CNTN1: variants seen among roughly 807,000 people sequenced by gnomAD.
The protein encoded by CNTN1 is contactin 1.
A neutral mutation model predicts 126.4 loss-of-function variants in CNTN1; 38 were observed. The ratio of observed to expected loss-of-function variants is 0.30; its 90% CI spans 0.23 to 0.39. CNTN1 has a LOEUF of 0.39. Ranked by LOEUF, CNTN1 falls within the 10% of genes least tolerant of loss-of-function variation. CNTN1 has a pLI of 1.00. For missense variants in CNTN1, 1,009 were observed against 1,248.4 expected, an observed-to-expected ratio of 0.81 and a Z score of 2.89; for synonymous variants, 413 against 422.6, an observed-to-expected ratio of 0.98 and a Z score of 0.28.
chr12:40,811,596 T>G (rs999329963), intron 1 of CNTN1, among the ~76,000 whole-genome samples: 1 of 151,812 alleles, frequency 6.6e-6, no homozygotes, highest in Non-Finnish European at 1.5e-5. Context: ...TGTATTTGTC[T>G]GTTTAGATTT....
intron 5 of CNTN1, 53 bp from the exon 6 acceptor site, chr12:40,924,504 C>G: frequency 1.1e-6 from 1 of 942,784 alleles, no homozygotes. Flanking sequence ...ATGAATGTCT[C>G]TCTTTCTATT....
intron 16 of CNTN1, among the ~76,000 whole-genome samples, chr12:40,992,089 T>C (rs1948108677): frequency 6.6e-6 from 1 of 152,186 alleles, no homozygotes; most frequent in Admixed American, 6.5e-5. Context: ...AGGGAAAATT[T>C]TAATCAGAAA....
intron 23 of CNTN1, among the ~76,000 whole-genome samples, chr12:41,060,599 G>T (rs960941926): frequency 1.3e-5 from 2 of 152,204 alleles, no homozygotes; most frequent in African/African-American, 4.8e-5. Flanking sequence ...ATTTCACAAA[G>T]TTGGGGCTGT....
At chr12:40,740,219 G>C (rs1219263693) in intron 1 of CNTN1, among the ~76,000 whole-genome samples, 1 of 152,034 alleles carries the variant, frequency 6.6e-6, no homozygotes, top group East Asian at 1.9e-4. Flanking sequence ...TTACATTTGA[G>C]CTGAAGTTGT....
chr12:40,973,459 G>A (rs1320255467), intron 15 of CNTN1, among the ~76,000 whole-genome samples: 1 of 152,052 alleles, frequency 6.6e-6, no homozygotes, highest in African/African-American at 2.4e-5. Context: ...GATTTAAAAA[G>A]GGAGGATAAA....
chr12:40,959,204 T>C lies in CNTN1; in HGVS notation c.1774T>C (p.Ser592Pro). 6.2e-7 allele frequency: 1 copy of C among 1,612,770 alleles called. No homozygotes were observed. Among genetic ancestry groups the C allele is most frequent in the Non-Finnish European group, 8.5e-7 (1 of 1,179,148 alleles). ...CACTGCCCAGACAATTGTGGACAAT[T>C]CTTCAGCTTCAGCTGACCTTGTAGT... is the stretch of plus-strand genomic sequence containing the variant. ...TCTAQTIVDN[S>P]SASADLVVRG... Residue 592 changes from serine to proline, a missense_variant, in exon 15 of 24, where the codon TCT becomes CCT. Transcript: ENST00000551295.
intron 1 of CNTN1, among the ~76,000 whole-genome samples, chr12:40,755,704 T>A (rs569377420): frequency 2.6e-5 from 4 of 152,140 alleles, no homozygotes; most frequent in African/African-American, 9.6e-5. Context: ...AGCGAGACCC[T>A]GTCTCTACAA....
In CNTN1 at chr12:40,922,411, C is replaced by A. The variant is rs749692540; in HGVS notation, c.383C>A (p.Ala128Glu). The change falls in exon 5 of 24, where the codon GCA (alanine) becomes GAA (glutamate). Residue 128 changes from alanine to glutamate, a missense_variant. Coordinates refer to ENST00000551295, the MANE Select transcript of CNTN1 (RefSeq NM_001843.4). ...TACGGGATGGTCAGAAGCACTGAAGCAACCCTGAGCTTTGGATGTAAGTAA... is the reference window on the plus strand; with the variant it reads ...TACGGGATGGTCAGAAGCACTGAAGAAACCCTGAGCTTTGGATGTAAGTAA... The part of the protein sequence containing the change: ...NNYGMVRSTE[A>E]TLSFGYLDPF... The A allele has an allele frequency of 6.2e-7, 1 of 1,613,838 alleles. No individual in the cohort carries two copies.
At chr12:40,937,760 C>T in intron 11 of CNTN1, 73 bp downstream of exon 11, 4 of 916,456 alleles carry the variant, frequency 4.4e-6, no homozygotes, top group South Asian at 1.3e-5. Flanking sequence ...GTTTATTGAG[C>T]CTACACAAAA....
At chr12:40,993,421 A>C (rs1948139557) in intron 17 of CNTN1, 152 bp downstream of exon 17, 2 of 653,330 alleles carry the variant, frequency 3.1e-6, no homozygotes, top group South Asian at 4.0e-5. Flanking sequence ...ACAGTCAAAA[A>C]TCAAAAGAGG....
At chr12:40,930,154 G>T in intron 7 of CNTN1, 152 bp downstream of exon 7, 1 of 696,236 alleles carries the variant, frequency 1.4e-6, no homozygotes, top group Admixed American at 2.4e-5. Context: ...CAAAGGCTTG[G>T]TCCTAAGCTT....
chr12:40,974,591 A>G (rs898315001), intron 15 of CNTN1, among the ~76,000 whole-genome samples: 1 of 152,184 alleles, frequency 6.6e-6, no homozygotes, highest in Non-Finnish European at 1.5e-5. Context: ...ACATTTTTGA[A>G]TGTGATACTG....
intron 1 of CNTN1, among the ~76,000 whole-genome samples, chr12:40,857,351 G>T (rs902876310): frequency 6.6e-6 from 1 of 152,082 alleles, no homozygotes; most frequent in Non-Finnish European, 1.5e-5. Context: ...AAGGCAGTAT[G>T]GGCAGGTAAT....
In CNTN1 at chr12:40,812,743, T is replaced by G. The variant is rs1179192515; in HGVS notation, c.-76-95614T>G. Reference sequence around the variant, plus strand: ...TAGGGTTCCATTTGCATGGAATATCTTCTTACATCCCTTCACTTTGTATGT... The same window carrying G: ...TAGGGTTCCATTTGCATGGAATATCGTCTTACATCCCTTCACTTTGTATGT... On this transcript the variant is annotated intron_variant, in intron 1 of 23. Coordinates refer to ENST00000551295, the MANE Select transcript of CNTN1 (RefSeq NM_001843.4). 2.0e-5 allele frequency among the ~76,000 whole-genome samples: 3 copies of G among 152,258 alleles called. No individual in the cohort carries two copies. In the East Asian group the frequency reaches 5.8e-4, roughly 29 times the overall value.
At chr12:40,826,004 T>C (rs974062039) in intron 1 of CNTN1, among the ~76,000 whole-genome samples, 3 of 152,178 alleles carry the variant, frequency 2.0e-5, no homozygotes, top group Non-Finnish European at 2.9e-5. Flanking sequence ...GAAACGATAT[T>C]GGCTTTCCTT....
At chr12:41,024,277 C>T (rs1948989720) in intron 20 of CNTN1, among the ~76,000 whole-genome samples, 1 of 152,058 alleles carries the variant, frequency 6.6e-6, no homozygotes, top group Non-Finnish European at 1.5e-5. Flanking sequence ...ATTTTATAGA[C>T]AGGGCATCTA....
At chr12:40,703,025 A>T (rs1319895885) in intron 1 of CNTN1, among the ~76,000 whole-genome samples, 1 of 151,866 alleles carries the variant, frequency 6.6e-6, no homozygotes. Flanking sequence ...GTATATATAT[A>T]TTTTTTACAG....
chr12:40,855,093 A>G (rs73120733), intron 1 of CNTN1, among the ~76,000 whole-genome samples: 3,140 of 152,204 alleles, frequency 0.021, 105 homozygotes, highest in African/African-American at 0.071. Context: ...GTGAGGCATG[A>G]CTGTGAAGCA....
intron 1 of CNTN1, among the ~76,000 whole-genome samples, chr12:40,762,285 G>A (rs1265674213): frequency 6.6e-6 from 1 of 152,122 alleles, no homozygotes; most frequent in East Asian, 1.9e-4. Context: ...GAGGGATTTA[G>A]GGCAAACCTT....
Sources: allele counts gnomAD v4.1 joint callset (sites outside exome capture counted in the v4.1 genomes callset), GRCh38; gene constraint gnomAD v4.1.1; transcripts MANE v1.5; gene names NCBI Gene and HGNC (gene_info 2026-07-23, HGNC 2026-07-21).